IFT74: variants seen among roughly 807,000 people sequenced by gnomAD.
IFT74 encodes intraflagellar transport protein 74 homolog.
A neutral mutation model predicts 96.7 loss-of-function variants in IFT74; 92 were observed. That is an observed-to-expected ratio of 0.95 (90% CI 0.80 to 1.13). The LOEUF (loss-of-function observed/expected upper bound fraction) is 1.13, where lower values mean the gene tolerates loss of function less well. Among genes scored for constraint, IFT74 ranks in the 50% most tolerant of loss-of-function variants. The pLI is 0.00. For missense variants in IFT74, 811 were observed against 698.2 expected, an observed-to-expected ratio of 1.16 and a Z score of -1.82; for synonymous variants, 223 against 213.2, an observed-to-expected ratio of 1.05 and a Z score of -0.40.
At chr9:27,046,758 A>G (rs1035988084) in intron 14 of IFT74, among the ~76,000 whole-genome samples, 4 of 152,208 alleles carry the variant, frequency 2.6e-5, no homozygotes, top group Non-Finnish European at 5.9e-5. Flanking sequence ...GCTTATATTT[A>G]TAACTTTCTG....
chr9:27,023,753 C>G (rs1471531794), intron 12 of IFT74, among the ~76,000 whole-genome samples: 1 of 152,132 alleles, frequency 6.6e-6, no homozygotes, highest in Non-Finnish European at 1.5e-5. Flanking sequence ...TGCCATCTCC[C>G]CCATTGAACA....
rs2131714043 is a variant in IFT74, at chr9:27,060,572, T to G, written c.1624-19T>G. ...TTTAAATATGGGTCCTAATTAATAT[T>G]TTTCTTTTATGTTTTTAGCTTACAA... On this transcript the variant is annotated intron_variant, in intron 18 of 19. Transcript: ENST00000380062. 6.4e-7 allele frequency: 1 copy of G among 1,558,462 alleles called. No homozygotes were observed. Among genetic ancestry groups the G allele is most frequent in the East Asian group, 2.3e-5 (1 of 43,590 alleles).
At chr9:27,013,548 C>T (rs1171666610) in intron 10 of IFT74, among the ~76,000 whole-genome samples, 1 of 152,148 alleles carries the variant, frequency 6.6e-6, no homozygotes, top group African/African-American at 2.4e-5. Flanking sequence ...CTTATTTCCC[C>T]TGCATTCACT....
intron 8 of IFT74, chr9:26,998,091 G>A: frequency 6.2e-7 from 1 of 1,613,392 alleles, no homozygotes; most frequent in Admixed American, 1.7e-5. Flanking sequence ...ATCAAATAGA[G>A]CTCTGTGAGT....
chr9:26,957,917 T>A (rs533795690), intron 1 of IFT74, among the ~76,000 whole-genome samples: 1 of 147,468 alleles, frequency 6.8e-6, no homozygotes, highest in African/African-American at 2.6e-5. Context: ...GCCCGGATAA[T>A]TTTTTTTTTG....
chr9:27,029,685 T>A (rs1305359122), intron 13 of IFT74, among the ~76,000 whole-genome samples: 1 of 152,146 alleles, frequency 6.6e-6, no homozygotes, highest in African/African-American at 2.4e-5. Flanking sequence ...GAGGCAGAGG[T>A]TGCGGTGAGT....
At chr9:26,998,269 T>TA in intron 8 of IFT74, 1 of 1,273,568 alleles carries the variant, frequency 7.9e-7, no homozygotes, top group Non-Finnish European at 1.1e-6. Context: ...AGAAAGGCAT[T>TA]AATCAGAAAA....
At chr9:27,045,915 A>G (rs1027603926) in intron 14 of IFT74, among the ~76,000 whole-genome samples, 3 of 152,214 alleles carry the variant, frequency 2.0e-5, no homozygotes, top group African/African-American at 4.8e-5. Flanking sequence ...ATGTGTCATG[A>G]CACCACAGTA....
chr9:26,967,774 C>A (rs1422611082), intron 2 of IFT74, among the ~76,000 whole-genome samples: 1 of 152,080 alleles, frequency 6.6e-6, no homozygotes, highest in African/African-American at 2.4e-5. Flanking sequence ...TCCTTCTATA[C>A]CTGGTTTTTT....
At chr9:27,059,931 AAAAG>A (rs1300063597) in intron 18 of IFT74, among the ~76,000 whole-genome samples, 45 of 152,358 alleles carry the variant, frequency 3.0e-4, no homozygotes, top group African/African-American at 7.5e-4. Context: ...TGCATCTTAA[AAAAG>A]AAAGACCATA....
At position 26,986,974 on chromosome 9, in the gene IFT74, G is replaced by A. The variant is rs1057231601; in HGVS notation, c.466-1695G>A. The stretch of plus-strand genomic sequence containing the variant: ...CTACACAATTCATCACAAACATTTT[G>A]TAGAGCCCATTATTCACTGGGATTT... On this transcript the variant is annotated intron_variant, in intron 6 of 19. Transcript: ENST00000380062. Among the ~76,000 whole-genome samples, 3 of 152,266 alleles carry A rather than the reference G, an allele frequency of 2.0e-5. No individual in the cohort carries two copies. The East Asian group carries it at 5.8e-4, about 29-fold the overall frequency.
chr9:26,973,527 G>A (rs77568534), intron 2 of IFT74, among the ~76,000 whole-genome samples: 9,711 of 152,138 alleles, frequency 0.064, 367 homozygotes, highest in Middle Eastern at 0.15. Flanking sequence ...TGTATTTTTC[G>A]TCCACAGTGG....
intron 18 of IFT74, 42 bp downstream of exon 18, chr9:27,056,501 T>C (rs367586977): frequency 1.2e-4 from 179 of 1,516,114 alleles, no homozygotes; most frequent in Non-Finnish European, 3.2e-5. Context: ...TCTTAGTCTA[T>C]ATTTTCACCC....
At chr9:26,959,275 A>AT (rs1454754435) in intron 1 of IFT74, among the ~76,000 whole-genome samples, 1 of 151,994 alleles carries the variant, frequency 6.6e-6, no homozygotes, top group Non-Finnish European at 1.5e-5. Flanking sequence ...CACCCGGCTA[A>AT]TTTTTTGTAT....
At chr9:27,030,366 A>G (rs1014811062) in intron 13 of IFT74, among the ~76,000 whole-genome samples, 2 of 152,038 alleles carry the variant, frequency 1.3e-5, no homozygotes, top group East Asian at 3.9e-4. Context: ...AGCTGGGAAT[A>G]TATAACGTCT....
Position 27,017,036 on chromosome 9 carries a change from A to T in IFT74, c.919A>T (p.Lys307Ter). The T allele has an allele frequency of 6.2e-7, 1 of 1,604,332 alleles. No homozygotes were observed. The highest frequency in any genetic ancestry group is 8.5e-7 in the Non-Finnish European group (1 of 1,176,728). ...SIGSPMEERE[K>*]LLKQIKDDNQ... Reference sequence around the variant, plus strand: ...AGGATCTCCAATGGAAGAGAGAGAGAAATTACTTAAGCAGGTGGGCAAAAC... The same window carrying T: ...AGGATCTCCAATGGAAGAGAGAGAGTAATTACTTAAGCAGGTGGGCAAAAC... Residue 307 changes from lysine (K) to a stop codon, truncating the protein, a stop_gained, in exon 11 of 20, where the codon AAA (lysine) becomes TAA (stop). Coordinates refer to ENST00000380062, the MANE Select transcript of IFT74 (RefSeq NM_025103.4). LOFTEE classifies it high-confidence loss of function.
chr9:27,013,724 G>A (rs771876959), intron 10 of IFT74, among the ~76,000 whole-genome samples: 5 of 151,874 alleles, frequency 3.3e-5, no homozygotes, highest in African/African-American at 7.3e-5. Context: ...TATTTTTGGC[G>A]TTTCAGTATA....
chr9:27,020,484 T>C (rs1256343577), intron 12 of IFT74, among the ~76,000 whole-genome samples: 4 of 149,454 alleles, frequency 2.7e-5, no homozygotes, highest in African/African-American at 4.9e-5. Context: ...TTTTTTTTTC[T>C]TTTTTTTTGA....
rs1165966048 is a variant in IFT74, at chr9:27,009,055, T to C, written c.623T>C (p.Ile208Thr). The C allele has an allele frequency of 1.9e-6, 3 of 1,613,118 alleles. No individual in the cohort carries two copies. The highest frequency in any genetic ancestry group is 1.7e-6 in the Non-Finnish European group (2 of 1,179,442). ...CAAATCAGAAGTGTCGAAGAAGAAA[T>C]TGAACAGGAAAAACAAGCAACAGAT... ...EKQIRSVEEE[I>T]EQEKQATDDI... Residue 208 changes from isoleucine to threonine, a missense_variant, in exon 9 of 20, where the codon ATT becomes ACT. By Grantham distance (89) the Ile-to-Thr change is moderately conservative. Transcript: ENST00000380062.
Sources: allele counts gnomAD v4.1 joint callset (sites outside exome capture counted in the v4.1 genomes callset), GRCh38; gene constraint gnomAD v4.1.1; transcripts MANE v1.5; gene names NCBI Gene and HGNC (gene_info 2026-07-23, HGNC 2026-07-21).